Variants in CD300LD observed in about 807,000 individuals in gnomAD.
CD300LD encodes the protein CD300 molecule like family member d, also known as CMRF35-like molecule 5.
A neutral mutation model predicts 20.3 loss-of-function variants in CD300LD; 18 were observed. The observed-to-expected ratio is 0.89, with a 90% CI of 0.61 to 1.32. The LOEUF (loss-of-function observed/expected upper bound fraction) is 1.32. CD300LD is among the 40% of genes most tolerant of loss of function. CD300LD has a pLI of 0.00. For missense variants in CD300LD, 195 were observed against 226.6 expected (o/e 0.86, Z 0.90); for synonymous variants, 104 against 90.1 (o/e 1.15, Z -0.87).
intron 1 of CD300LD, among the ~76,000 whole-genome samples, chr17:74,591,606 T>C (rs1006765798): frequency 1.1e-4 from 16 of 152,112 alleles, no homozygotes; most frequent in African/African-American, 3.6e-4. Flanking sequence ...GTTCATAACA[T>C]TATTACTAAC....
intron 2 of CD300LD, among the ~76,000 whole-genome samples, chr17:74,588,244 A>C (rs1300254604): frequency 6.6e-6 from 1 of 152,068 alleles, no homozygotes; most frequent in Non-Finnish European, 1.5e-5. Flanking sequence ...CCTTTAATCC[A>C]CGAATGGATT....
At chr17:74,592,072 C>T (rs746562017) in intron 1 of CD300LD, 91 bp downstream of exon 1, 2 of 1,611,828 alleles carry the variant, frequency 1.2e-6, no homozygotes, top group African/African-American at 1.3e-5. Flanking sequence ...CTGTCATTTT[C>T]CCTGACATGT....
intron 2 of CD300LD, 117 bp downstream of exon 2, chr17:74,588,394 T>G (rs1207766893): frequency 1.5e-6 from 1 of 674,514 alleles, no homozygotes; most frequent in African/African-American, 1.8e-5. Flanking sequence ...ACCTCAGGAC[T>G]CAGACACCCT....
chr17:74,587,471 T>C (rs907085256), intron 2 of CD300LD, among the ~76,000 whole-genome samples: 1 of 152,244 alleles, frequency 6.6e-6, no homozygotes, highest in Non-Finnish European at 1.5e-5. Flanking sequence ...TTTTTCCTGA[T>C]CAGTCTAGGT....
intron 1 of CD300LD, among the ~76,000 whole-genome samples, chr17:74,589,266 A>G (rs937456339): frequency 6.6e-6 from 1 of 151,836 alleles, no homozygotes; most frequent in Non-Finnish European, 1.5e-5. Context: ...AGTGGTTCTA[A>G]TGGTTTCTGG....
Position 74,581,345 on chromosome 17 carries a change from G to A in CD300LD, c.473+873C>T, listed in dbSNP as rs571608648. 2.7e-3 allele frequency among the ~76,000 whole-genome samples: 410 copies of A among 152,212 alleles called. 3 individuals carry two copies. The highest frequency in any genetic ancestry group is 9.5e-3 in the African/African-American group (393 of 41,522). On this transcript the variant is annotated intron_variant, in intron 3 of 3. Transcript: ENST00000375352. ...TCCAGGAGGACTGAGCCAGAGACAC[G>A]GGCCTCTGCGCTGGGCTCTAGCAGG... is the stretch of plus-strand genomic sequence containing the variant.
At chr17:74,579,312 A>T (rs1226480915), downstream of CD300LD, 1 of 152,146 alleles carries the variant, frequency 6.6e-6, no homozygotes, top group African/African-American at 2.4e-5. Flanking sequence ...ACCCCACGGA[A>T]TGCAAAGACA....
At chr17:74,585,610 T>C (rs1418606693) in intron 2 of CD300LD, among the ~76,000 whole-genome samples, 1 of 152,200 alleles carries the variant, frequency 6.6e-6, no homozygotes, top group Non-Finnish European at 1.5e-5. Flanking sequence ...TCCTCAGCAG[T>C]TTATTCATGA....
downstream of CD300LD, among the ~76,000 whole-genome samples, chr17:74,578,702 AG>A (rs1232194372): frequency 2.0e-5 from 3 of 152,174 alleles, no homozygotes; most frequent in Admixed American, 2.0e-4. Flanking sequence ...GGAGTGAATA[AG>A]GGTCTCACCT....
Position 74,588,748 on chromosome 17 carries a change from A to G in CD300LD, c.142T>C (p.Tyr48His). ...QCAYGSGWETYLKWRCQGADW... is the reference protein window; with the variant it reads ...QCAYGSGWETHLKWRCQGADW... ...GCTCCTTGACACCGCCACTTCAAGTAGGTCTCCCAGCCTGAGCCATAAGCA... is the reference window on the plus strand; with the variant it reads ...GCTCCTTGACACCGCCACTTCAAGTGGGTCTCCCAGCCTGAGCCATAAGCA... Residue 48 changes from tyrosine to histidine, a missense_variant, in exon 2 of 4, where the codon TAC becomes CAC. Transcript: ENST00000375352. 1.2e-6 allele frequency: 2 copies of G among 1,614,192 alleles called. No homozygotes were observed. Among genetic ancestry groups the G allele is most frequent in the Non-Finnish European group, 1.7e-6 (2 of 1,180,010 alleles).
intron 1 of CD300LD, among the ~76,000 whole-genome samples, chr17:74,591,628 G>C (rs895376834): frequency 6.6e-6 from 1 of 151,954 alleles, no homozygotes. Flanking sequence ...ATTTTTAAAA[G>C]GTAGAAACAA....
intron 2 of CD300LD, among the ~76,000 whole-genome samples, chr17:74,587,849 G>A (rs1450183953): frequency 1.3e-5 from 2 of 150,306 alleles, no homozygotes; most frequent in African/African-American, 4.9e-5. Context: ...GAGCTGTGCA[G>A]AGAAAAAAAA....
At chr17:74,590,946 C>T (rs1365685682) in intron 1 of CD300LD, among the ~76,000 whole-genome samples, 1 of 151,992 alleles carries the variant, frequency 6.6e-6, no homozygotes, top group Non-Finnish European at 1.5e-5. Flanking sequence ...CACCACATGC[C>T]TGTAGTCCCA....
intron 1 of CD300LD, among the ~76,000 whole-genome samples, chr17:74,589,881 G>GTTGTCTCTGAAACGCCAAGA (rs1473308057): frequency 1.3e-5 from 2 of 152,198 alleles, no homozygotes; most frequent in African/African-American, 4.8e-5. Flanking sequence ...CAGGAGAGAG[G>GTTGTCTCTGAAACGCCAAGA]TTGTCTCTGA....
At chr17:74,586,596 G>C (rs957371387) in intron 2 of CD300LD, among the ~76,000 whole-genome samples, 1 of 152,160 alleles carries the variant, frequency 6.6e-6, no homozygotes, top group African/African-American at 2.4e-5. Context: ...CTCAGGGATA[G>C]GTTCCCGGAG....
At chr17:74,586,497 T>C (rs1029414313) in intron 2 of CD300LD, among the ~76,000 whole-genome samples, 4 of 152,104 alleles carry the variant, frequency 2.6e-5, no homozygotes, top group Non-Finnish European at 5.9e-5. Context: ...TTCATCAGAA[T>C]GGCACCCCCC....
intron 3 of CD300LD, 93 bp from the exon 4 acceptor site, chr17:74,580,206 C>G: frequency 2.4e-6 from 2 of 843,804 alleles, no homozygotes; most frequent in Non-Finnish European, 3.9e-6. Flanking sequence ...CTTCCAATGT[C>G]TATGTGAGGG....
intron 3 of CD300LD, among the ~76,000 whole-genome samples, chr17:74,581,283 G>A (rs1430049440): frequency 6.6e-6 from 1 of 151,470 alleles, no homozygotes; most frequent in African/African-American, 2.4e-5. Context: ...AAACAGAGTT[G>A]AACTGCAGAG....
intron 2 of CD300LD, among the ~76,000 whole-genome samples, chr17:74,587,115 C>T (rs563438132): frequency 2.0e-5 from 3 of 151,754 alleles, no homozygotes. Flanking sequence ...TGCCATTGCA[C>T]TCCAGCCCAG....
Sources: gnomAD v4.1 joint callset for allele counts (sites outside exome capture counted in the v4.1 genomes callset) on GRCh38, gnomAD v4.1.1 for gene constraint, MANE v1.5 for transcripts, NCBI Gene and HGNC (gene_info 2026-07-23, HGNC 2026-07-21) for gene names.